Variants in HDX observed in about 807,000 individuals in gnomAD.
HDX encodes the protein highly divergent homeobox.
In HDX, 19 loss-of-function variants were observed where a neutral mutation model predicts 45.2. That is an observed-to-expected ratio of 0.42 (90% CI 0.29 to 0.62). HDX has a LOEUF of 0.62. HDX is among the 20% of genes least tolerant of loss of function. HDX has a pLI of 0.20. For missense variants in HDX, 532 were observed against 493.9 expected, an observed-to-expected ratio of 1.08 and a Z score of -0.73; for synonymous variants, 188 against 172.8, an observed-to-expected ratio of 1.09 and a Z score of -0.69.
chrX:84,370,420 C>T (rs985593418), intron 5 of HDX, among the ~76,000 whole-genome samples: 1 of 111,629 alleles, frequency 9.0e-6, no homozygotes, highest in Non-Finnish European at 1.9e-5. Context: ...CTGGAGATCG[C>T]TGCCTAATAT....
At chrX:84,398,807 G>A (rs1443636716) in intron 5 of HDX, among the ~76,000 whole-genome samples, 2 of 111,562 alleles carry the variant, frequency 1.8e-5, no homozygotes, top group Admixed American at 9.5e-5. Flanking sequence ...AATCGATCAC[G>A]TAATTGGAAG....
At chrX:84,329,514 C>T (rs966591327) in intron 9 of HDX, among the ~76,000 whole-genome samples, 2 of 111,630 alleles carry the variant, frequency 1.8e-5, no homozygotes, top group Non-Finnish European at 3.8e-5. Context: ...AAGACTTATA[C>T]ATCAATATTC....
rs1602236851 is a variant in HDX at position 84,318,164 on chromosome X, A to G, written c.*3725T>C. 1.8e-5 allele frequency: 2 copies of G among 110,848 alleles called. No homozygotes were observed. Among genetic ancestry groups the G allele is most frequent in the Non-Finnish European group, 3.8e-5 (2 of 52,497 alleles). 9.1% of individuals were successfully genotyped at this position (110,848 alleles called of 1,213,427 possible). A position where few individuals can be genotyped will look rare whatever the true frequency, so the allele number is the denominator to read the frequency against. On this transcript the variant is annotated 3_prime_UTR_variant, in exon 11 of 11. Transcript: ENST00000373177. ...CCCCCTAGCAAATCTGTTCTTAATC[A>G]AAGTTTGTTTTCAGCAATGGTGTGT...
chrX:84,341,233 A>G (rs1237494530), intron 7 of HDX, among the ~76,000 whole-genome samples: 1 of 111,057 alleles, frequency 9.0e-6, no homozygotes, highest in Non-Finnish European at 1.9e-5. Context: ...GGAATATCCA[A>G]GTATCTCCAG....
intron 4 of HDX, among the ~76,000 whole-genome samples, chrX:84,458,563 A>T (rs1206898710): frequency 4.5e-5 from 5 of 112,175 alleles, no homozygotes; most frequent in African/African-American, 1.6e-4. Flanking sequence ...CCATAATCAC[A>T]TAACTTACTC....
At chrX:84,351,770 A>G in intron 6 of HDX, among the ~76,000 whole-genome samples, 1 of 111,197 alleles carries the variant, frequency 9.0e-6, no homozygotes, top group Non-Finnish European at 1.9e-5. Flanking sequence ...CACCCTTCAG[A>G]GTCTTCTTAT....
intron 9 of HDX, among the ~76,000 whole-genome samples, chrX:84,327,042 C>G (rs1265072997): frequency 1.8e-5 from 2 of 111,602 alleles, no homozygotes; most frequent in Non-Finnish European, 3.8e-5. Flanking sequence ...GAATTTGCAC[C>G]AAGAAGAGCC....
chrX:84,445,487 AAATATT>A (rs1341508802), intron 4 of HDX, among the ~76,000 whole-genome samples: 2 of 110,868 alleles, frequency 1.8e-5, no homozygotes, highest in African/African-American at 6.5e-5. Context: ...AGCACTCAAT[AAATATT>A]TACTGATTGA....
chrX:84,492,275 T>A (rs367897421), intron 1 of HDX, among the ~76,000 whole-genome samples: 3 of 110,574 alleles, frequency 2.7e-5, no homozygotes, highest in African/African-American at 1.0e-4. Context: ...ATTTTCTATT[T>A]TTTTCTGTTT....
intron 5 of HDX, among the ~76,000 whole-genome samples, chrX:84,393,414 A>G: frequency 1.8e-5 from 2 of 111,725 alleles, no homozygotes; most frequent in Middle Eastern, 9.3e-3. Flanking sequence ...TGTGTTGTTG[A>G]ATATACTTTG....
chrX:84,451,249 A>G (rs771851946), intron 4 of HDX, among the ~76,000 whole-genome samples: 1 of 111,410 alleles, frequency 9.0e-6, no homozygotes, highest in East Asian at 2.8e-4. Context: ...TGCATTCTTA[A>G]AAGATAAACA....
chrX:84,415,837 T>C (rs1363538302), intron 5 of HDX, among the ~76,000 whole-genome samples: 1 of 111,975 alleles, frequency 8.9e-6, no homozygotes, highest in Non-Finnish European at 1.9e-5. Context: ...CATAACTTAA[T>C]GTGCGGAATG....
chrX:84,492,160 C>A (rs931165850), intron 1 of HDX, among the ~76,000 whole-genome samples: 1 of 111,286 alleles, frequency 9.0e-6, no homozygotes, highest in African/African-American at 3.3e-5. Flanking sequence ...TGTCTGGAAA[C>A]TTTCCCAAGG....
chrX:84,436,688 T>C (rs1013206251), intron 5 of HDX, among the ~76,000 whole-genome samples: 14 of 112,197 alleles, frequency 1.2e-4, no homozygotes, highest in Non-Finnish European at 2.3e-4. Context: ...TCAGATAAGA[T>C]ATTTGATACG....
intron 10 of HDX, among the ~76,000 whole-genome samples, chrX:84,325,128 G>A (rs912455918): frequency 3.6e-5 from 4 of 110,452 alleles, no homozygotes; most frequent in Non-Finnish European, 7.6e-5. Context: ...GCTGGTTTGA[G>A]CCTCATGAGT....
At chrX:84,477,015 G>A (rs1602529495) in intron 2 of HDX, among the ~76,000 whole-genome samples, 3 of 111,932 alleles carry the variant, frequency 2.7e-5, no homozygotes, top group South Asian at 7.4e-4. Flanking sequence ...AATTTTCAAG[G>A]ATGCGTGGGC....
At chrX:84,383,824 A>G (rs923122616) in intron 5 of HDX, among the ~76,000 whole-genome samples, 2 of 111,618 alleles carry the variant, frequency 1.8e-5, no homozygotes, top group East Asian at 5.6e-4. Context: ...TTTCTACATT[A>G]ATTAACTTAA....
At chrX:84,416,383 A>T (rs1417392985) in intron 5 of HDX, among the ~76,000 whole-genome samples, 1 of 111,790 alleles carries the variant, frequency 8.9e-6, no homozygotes, top group South Asian at 3.8e-4. Flanking sequence ...TTTTATTTGG[A>T]TGTGAGGTGA....
chrX:84,423,635 C>G (rs998760284), intron 5 of HDX, among the ~76,000 whole-genome samples: 10 of 111,148 alleles, frequency 9.0e-5, no homozygotes, highest in Middle Eastern at 4.7e-3. Flanking sequence ...GAGATTTACC[C>G]CTAAGATGCA....
Sources: allele counts gnomAD v4.1 joint callset (sites outside exome capture counted in the v4.1 genomes callset), GRCh38; gene constraint gnomAD v4.1.1; transcripts MANE v1.5; gene names NCBI Gene and HGNC (gene_info 2026-07-23, HGNC 2026-07-21).